Variants in ELMO1 observed in about 807,000 individuals in gnomAD.
The protein encoded by ELMO1 is engulfment and cell motility protein 1.
A neutral mutation model predicts 98.9 loss-of-function variants in ELMO1; 26 were observed. That is an observed-to-expected ratio of 0.26 (90% CI 0.19 to 0.36). The LOEUF (loss-of-function observed/expected upper bound fraction) is 0.36. Ranked by LOEUF, ELMO1 falls within the 10% of genes least tolerant of loss-of-function variation. The pLI is 1.00. For missense variants in ELMO1, 627 were observed against 935.2 expected, an observed-to-expected ratio of 0.67 and a Z score of 4.30; for synonymous variants, 346 against 346.0, an observed-to-expected ratio of 1.00 and a Z score of 0.00.
At position 37,430,885 on chromosome 7, in the gene ELMO1, C is replaced by A. The variant is rs899273278; in HGVS notation, c.-74+17790G>T. On this transcript the variant is annotated intron_variant, in intron 1 of 21. Transcript: ENST00000310758. Reference sequence around the variant, plus strand: ...GCAAGTGGGTGGTGATTAATTTCAACATGGATCTGTGTAGGTCTGGATCCC... The same window carrying A: ...GCAAGTGGGTGGTGATTAATTTCAAAATGGATCTGTGTAGGTCTGGATCCC... Among the ~76,000 whole-genome samples, 3 of 152,332 alleles carry A rather than the reference C, an allele frequency of 2.0e-5. No individual in the cohort carries two copies. The East Asian group carries it at 5.8e-4, about 29-fold the overall frequency.
chr7:37,018,212 C>T (rs530718577), intron 15 of ELMO1, among the ~76,000 whole-genome samples: 7 of 151,778 alleles, frequency 4.6e-5, no homozygotes, highest in South Asian at 2.1e-4. Flanking sequence ...CCACAACCTC[C>T]GCCTCCTGGG....
intron 14 of ELMO1, among the ~76,000 whole-genome samples, chr7:37,132,543 A>C (rs1786995011): frequency 6.6e-6 from 1 of 152,134 alleles, no homozygotes; most frequent in South Asian, 2.1e-4. Context: ...CCATTCATTT[A>C]TTCTCCATGC....
chr7:37,118,599 G>A (rs1351545782), intron 14 of ELMO1, among the ~76,000 whole-genome samples: 1 of 152,226 alleles, frequency 6.6e-6, no homozygotes, highest in Non-Finnish European at 1.5e-5. Flanking sequence ...ACTTTAAGGA[G>A]TGGGAACGGG....
In ELMO1 at chr7:37,335,340, G is replaced by A. The variant is rs142757294; in HGVS notation, c.78+7273C>T. Among the ~76,000 whole-genome samples, 120 of 149,204 alleles carry A rather than the reference G, an allele frequency of 8.0e-4. 1 individual carries two copies. The highest frequency in any genetic ancestry group is 2.8e-3 in the African/African-American group (113 of 41,076). On this transcript the variant is annotated intron_variant, in intron 2 of 21. Transcript: ENST00000310758. ...AGGTGGCATACTTTTAGAAGGAAACGGCAAGAGATGAAAAAAGACCATGAA... is the reference window on the plus strand; with the variant it reads ...AGGTGGCATACTTTTAGAAGGAAACAGCAAGAGATGAAAAAAGACCATGAA...
At chr7:37,351,714 A>G (rs1387195232) in intron 1 of ELMO1, among the ~76,000 whole-genome samples, 5 of 152,208 alleles carry the variant, frequency 3.3e-5, no homozygotes, top group African/African-American at 9.7e-5. Context: ...AACTCCTAAT[A>G]TATCAACCTA....
At chr7:36,890,359 C>T (rs751920182) in intron 17 of ELMO1, among the ~76,000 whole-genome samples, 16 of 152,218 alleles carry the variant, frequency 1.1e-4, no homozygotes, top group Non-Finnish European at 2.4e-4. Flanking sequence ...GAGATTCCTT[C>T]TTTGACTTGG....
intron 7 of ELMO1, among the ~76,000 whole-genome samples, chr7:37,234,129 CTCTT>C (rs771553316): frequency 3.6e-4 from 55 of 152,240 alleles, no homozygotes; most frequent in Non-Finnish European, 6.5e-4. Flanking sequence ...ATGATAAATA[CTCTT>C]TCTTTGAGTA....
At chr7:37,136,913 C>T (rs144854019) in intron 13 of ELMO1, among the ~76,000 whole-genome samples, 6 of 152,252 alleles carry the variant, frequency 3.9e-5, no homozygotes, top group African/African-American at 1.2e-4. Context: ...CAGTACCTCA[C>T]ATCTCAATAC....
chr7:37,327,822 TGAAGAATAGTAACACAGGATTTTCAG>T (rs1338794726), intron 2 of ELMO1, among the ~76,000 whole-genome samples: 42 of 152,290 alleles, frequency 2.8e-4, no homozygotes, highest in East Asian at 2.3e-3. Flanking sequence ...CCTACAGCCC[TGAAGAATAGTAACACAGGATTTTCAG>T]GAAGGGTCTA....
chr7:36,953,839 TTGTGTGTGTGTGTGTGTG>T (rs10522376), intron 16 of ELMO1, among the ~76,000 whole-genome samples: 1,600 of 136,274 alleles, frequency 0.012, 22 homozygotes, highest in Middle Eastern at 0.019. Flanking sequence ...TGGGTATGTT[TTGTGTGTGTGTGTGTGTG>T]TGTGTGTGTG....
intron 18 of ELMO1, among the ~76,000 whole-genome samples, chr7:36,879,265 T>C (rs530812755): frequency 1.3e-5 from 2 of 152,328 alleles, no homozygotes; most frequent in African/African-American, 2.4e-5. Context: ...ACATAAAAGT[T>C]GCACAGTTGG....
At chr7:37,212,120 C>T (rs1304606470) in intron 12 of ELMO1, among the ~76,000 whole-genome samples, 2 of 152,106 alleles carry the variant, frequency 1.3e-5, no homozygotes, top group Non-Finnish European at 2.9e-5. Context: ...GTGAAATAAA[C>T]CAGACACAGA....
chr7:36,904,914 A>C (rs1231848221), intron 16 of ELMO1, among the ~76,000 whole-genome samples: 1 of 152,220 alleles, frequency 6.6e-6, no homozygotes, highest in Non-Finnish European at 1.5e-5. Context: ...AATTGGGCTA[A>C]ATTTGCTGGT....
intron 16 of ELMO1, among the ~76,000 whole-genome samples, chr7:36,997,050 G>GA (rs1792268479): frequency 6.6e-6 from 1 of 152,142 alleles, no homozygotes; most frequent in Non-Finnish European, 1.5e-5. Flanking sequence ...AGGGGAGAGA[G>GA]AACTTAGGCT....
At chr7:37,439,978 TG>T (rs990100161) in intron 1 of ELMO1, among the ~76,000 whole-genome samples, 1 of 144,050 alleles carries the variant, frequency 6.9e-6, no homozygotes, top group Non-Finnish European at 1.6e-5. Flanking sequence ...TAGAGCTGCA[TG>T]GGTGTGTGTG....
chr7:37,404,161 C>T (rs1803653038), intron 1 of ELMO1, among the ~76,000 whole-genome samples: 1 of 152,076 alleles, frequency 6.6e-6, no homozygotes, highest in Admixed American at 6.5e-5. Context: ...TCTAATCAGT[C>T]CAGAAAGAAA....
At chr7:37,420,888 C>A (rs1804444891) in intron 1 of ELMO1, among the ~76,000 whole-genome samples, 1 of 152,198 alleles carries the variant, frequency 6.6e-6, no homozygotes, top group African/African-American at 2.4e-5. Flanking sequence ...TCACAACTGC[C>A]TTACTAATTT....
intron 1 of ELMO1, among the ~76,000 whole-genome samples, chr7:37,383,094 T>C (rs1051655405): frequency 6.6e-6 from 1 of 152,362 alleles, no homozygotes; most frequent in African/African-American, 2.4e-5. Flanking sequence ...GAAATTAACA[T>C]TGATACACAC....
At chr7:37,029,913 G>T (rs947850001) in intron 15 of ELMO1, among the ~76,000 whole-genome samples, 1 of 152,016 alleles carries the variant, frequency 6.6e-6, no homozygotes, top group Non-Finnish European at 1.5e-5. Context: ...CGTAATACTC[G>T]ATGTCTGCTA....
Sources: gnomAD v4.1 joint callset for allele counts (sites outside exome capture counted in the v4.1 genomes callset) on GRCh38, gnomAD v4.1.1 for gene constraint, MANE v1.5 for transcripts, NCBI Gene and HGNC (gene_info 2026-07-23, HGNC 2026-07-21) for gene names.